TTC12: variants seen among roughly 807,000 people sequenced by gnomAD.
TTC12 encodes the protein tetratricopeptide repeat protein 12.
A neutral mutation model predicts 90.1 loss-of-function variants in TTC12; 70 were observed. The observed-to-expected ratio is 0.78, with a 90% CI of 0.64 to 0.95. TTC12 has a LOEUF of 0.95. Ranked by LOEUF, TTC12 falls within the 40% of genes least tolerant of loss-of-function variation. The pLI is 0.00. For missense variants in TTC12, 819 were observed against 846.1 expected, an observed-to-expected ratio of 0.97 and a Z score of 0.40; for synonymous variants, 296 against 311.5, an observed-to-expected ratio of 0.95 and a Z score of 0.53.
At chr11:113,352,858 G>A (rs1298754852) in intron 16 of TTC12, among the ~76,000 whole-genome samples, 1 of 152,174 alleles carries the variant, frequency 6.6e-6, no homozygotes, top group Admixed American at 6.5e-5. Context: ...TATCATTGAT[G>A]GGCATTTAGG....
intron 13 of TTC12, among the ~76,000 whole-genome samples, chr11:113,344,990 C>T (rs1229471991): frequency 6.6e-6 from 1 of 152,136 alleles, no homozygotes; most frequent in Non-Finnish European, 1.5e-5. Context: ...AGTGATTCTG[C>T]CCCGTCCTTT....
chr11:113,335,361 C>T (rs1239013911), intron 8 of TTC12, among the ~76,000 whole-genome samples: 9 of 152,112 alleles, frequency 5.9e-5, no homozygotes, highest in Non-Finnish European at 1.3e-4. Flanking sequence ...GTCAACCTGT[C>T]TATCTACCTA....
At position 113,350,145 on chromosome 11, in the gene TTC12, A is replaced by G; in HGVS notation, c.1227A>G (p.Thr409=). The change falls in exon 14 of 22, where the codon ACA becomes ACG. Residue 409 remains threonine, a synonymous_variant. Transcript: ENST00000529221. Reference sequence around the variant, plus strand: ...CCAACACTGCTATGGGACTGTTCACAGACTTGGCTCTGGAAGAAAGGTAAT... The same window carrying G: ...CCAACACTGCTATGGGACTGTTCACGGACTTGGCTCTGGAAGAAAGGTAAT... The part of the protein sequence containing the change: ...KEANTAMGLF[T]DLALEERFQV... 6.2e-7 allele frequency: 1 copy of G among 1,613,186 alleles called. No individual in the cohort carries two copies. The highest frequency in any genetic ancestry group is 8.5e-7 in the Non-Finnish European group (1 of 1,179,224).
At chr11:113,329,769 G>T in intron 6 of TTC12, 151 bp from the exon 7 acceptor site, 1 of 720,540 alleles carries the variant, frequency 1.4e-6, no homozygotes, top group East Asian at 2.7e-5. Context: ...CCCAGTGCAA[G>T]TGTGCCATCT....
Position 113,363,871 on chromosome 11 carries a change from C to T in TTC12, c.1760C>T (p.Ala587Val), listed in dbSNP as rs1950069967. 6.2e-7 allele frequency: 1 copy of T among 1,613,720 alleles called. No homozygotes were observed. Among genetic ancestry groups the T allele is most frequent in the Non-Finnish European group, 8.5e-7 (1 of 1,179,624 alleles). ...TASRYAIKIL[A>V]ICTNSYHEAR... Reference sequence around the variant, plus strand: ...TCACGTTATGCTATAAAGATACTAGCTATCTGCACGAATAGTTATCATGAA... The same window carrying T: ...TCACGTTATGCTATAAAGATACTAGTTATCTGCACGAATAGTTATCATGAA... The change falls in exon 20 of 22, where the codon GCT becomes GTT. Residue 587 changes from alanine to valine, a missense_variant. Ala to Val is a moderately conservative substitution (Grantham distance 64). Coordinates refer to ENST00000529221, the MANE Select transcript of TTC12 (RefSeq NM_017868.4).
At position 113,352,111 on chromosome 11, in the gene TTC12, G is replaced by A. The variant is rs782711618; in HGVS notation, c.1350G>A (p.Gln450=). 2.5e-6 allele frequency: 4 copies of A among 1,614,222 alleles called. No individual in the cohort carries two copies. The highest frequency in any genetic ancestry group is 2.5e-6 in the Non-Finnish European group (3 of 1,180,032). The change falls in exon 16 of 22, where the codon CAG becomes CAA. Residue 450 remains glutamine (Q), a synonymous_variant. Transcript: ENST00000529221. Reference sequence around the variant, plus strand: ...TAAGCAGCTCCTCGGCTCTGTGCCAGTGCATTGCCATCATGGGAAACCTCA... The same window carrying A: ...TAAGCAGCTCCTCGGCTCTGTGCCAATGCATTGCCATCATGGGAAACCTCA... The part of the protein sequence containing the change: ...PKVSSSSALC[Q]CIAIMGNLSA...
At chr11:113,366,917 TG>T (rs960147319), downstream of TTC12, among the ~76,000 whole-genome samples, 6 of 152,236 alleles carry the variant, frequency 3.9e-5, no homozygotes, top group African/African-American at 1.2e-4. Context: ...CCAGCCCATC[TG>T]GTGGTGCTAT....
At chr11:113,332,844 C>T (rs565857750) in intron 7 of TTC12, among the ~76,000 whole-genome samples, 1 of 152,308 alleles carries the variant, frequency 6.6e-6, no homozygotes, top group African/African-American at 2.4e-5. Flanking sequence ...GACCTCTTTC[C>T]GTTAATGACA....
intron 12 of TTC12, among the ~76,000 whole-genome samples, chr11:113,342,792 A>T (rs187664348): frequency 3.1e-4 from 47 of 152,266 alleles, no homozygotes; most frequent in Middle Eastern, 3.4e-3. Context: ...TGCCCAGACT[A>T]CTGTCATCAT....
intron 2 of TTC12, among the ~76,000 whole-genome samples, chr11:113,318,536 T>C (rs1282417506): frequency 2.0e-5 from 3 of 152,214 alleles, no homozygotes; most frequent in African/African-American, 4.8e-5. Context: ...AGGGCAATGA[T>C]TAGTTACTTC....
intron 7 of TTC12, among the ~76,000 whole-genome samples, chr11:113,334,615 A>G (rs565251650): frequency 2.6e-5 from 4 of 151,594 alleles, no homozygotes; most frequent in African/African-American, 9.7e-5. Flanking sequence ...TGTAATTGAC[A>G]TGGGGTGCAG....
At position 113,352,092 on chromosome 11, in the gene TTC12, G is replaced by T. The variant is rs782037214; in HGVS notation, c.1331G>T (p.Ser444Ile). ...GVLKTDPKVS[S>I]SSALCQCIAI... ...TAGAAGACAGATCCCAAGGTAAGCA[G>T]CTCCTCGGCTCTGTGCCAGTGCATT... Residue 444 changes from serine to isoleucine, a missense_variant, in exon 16 of 22, where the codon AGC becomes ATC. Coordinates refer to ENST00000529221, the MANE Select transcript of TTC12 (RefSeq NM_017868.4). 2 of 1,613,962 alleles carry T rather than the reference G, an allele frequency of 1.2e-6. No individual in the cohort carries two copies. The highest frequency in any genetic ancestry group is 2.2e-5 in the East Asian group (1 of 44,866).
chr11:113,316,130 A>G, intron 1 of TTC12, 113 bp from the exon 2 acceptor site: 1 of 457,966 alleles, frequency 2.2e-6, no homozygotes, highest in Non-Finnish European at 3.8e-6. Context: ...TGACATAAAC[A>G]AAACTGTCAT....
At chr11:113,360,914 A>T (rs1329153888) in intron 18 of TTC12, among the ~76,000 whole-genome samples, 2 of 152,252 alleles carry the variant, frequency 1.3e-5, no homozygotes, top group African/African-American at 4.8e-5. Context: ...CGTAGCTTTC[A>T]TCAGATCCTC....
chr11:113,328,796 T>C (rs1947850244), intron 6 of TTC12, among the ~76,000 whole-genome samples: 1 of 152,208 alleles, frequency 6.6e-6, no homozygotes, highest in Admixed American at 6.5e-5. Flanking sequence ...CTCCCATTAC[T>C]ACTCCCAGCC....
At chr11:113,316,057 A>T in intron 1 of TTC12, 186 bp from the exon 2 acceptor site, 1 of 388,598 alleles carries the variant, frequency 2.6e-6, no homozygotes, top group Non-Finnish European at 4.6e-6. Context: ...GCCGCACGTA[A>T]ATGAGTGCCT....
At chr11:113,360,141 G>A in intron 18 of TTC12, 133 bp downstream of exon 18, 1 of 642,524 alleles carries the variant, frequency 1.6e-6, no homozygotes, top group Non-Finnish European at 2.7e-6. Flanking sequence ...GAGATATGGT[G>A]TGGATATACT....
chr11:113,323,230 G>GTGAATAGAGTCTTT (rs1947458926), intron 2 of TTC12, 58 bp from the exon 3 acceptor site: 2 of 1,345,186 alleles, frequency 1.5e-6, no homozygotes, highest in Admixed American at 5.3e-5. Flanking sequence ...ATCCTTTCTA[G>GTGAATAGAGTCTTT]TGAATAGAGT....
intron 6 of TTC12, among the ~76,000 whole-genome samples, chr11:113,327,133 ACTGT>A (rs1479260188): frequency 6.6e-6 from 1 of 152,224 alleles, no homozygotes; most frequent in Non-Finnish European, 1.5e-5. Context: ...TCTAATTCAG[ACTGT>A]CTATACTCTG....
Sources: allele counts gnomAD v4.1 joint callset (sites outside exome capture counted in the v4.1 genomes callset), GRCh38; gene constraint gnomAD v4.1.1; transcripts MANE v1.5; gene names NCBI Gene and HGNC (gene_info 2026-07-23, HGNC 2026-07-21).